Variants in SERGEF observed in about 807,000 individuals in gnomAD.
SERGEF encodes secretion-regulating guanine nucleotide exchange factor.
SERGEF carries 51 observed loss-of-function variants against 50.0 expected under a neutral mutation model. The ratio of observed to expected loss-of-function variants is 1.02; its 90% CI spans 0.81 to 1.29. The LOEUF (loss-of-function observed/expected upper bound fraction) is 1.29. SERGEF is among the 50% of genes most tolerant of loss of function. SERGEF has a pLI of 0.00. For synonymous variants in SERGEF, 205 were observed against 212.4 expected, an observed-to-expected ratio of 0.97 and a Z score of 0.30; for missense variants, 521 against 557.0, an observed-to-expected ratio of 0.94 and a Z score of 0.65.
intron 10 of SERGEF, among the ~76,000 whole-genome samples, chr11:17,813,043 G>C (rs974613613): frequency 1.3e-5 from 2 of 152,102 alleles, no homozygotes; most frequent in African/African-American, 4.8e-5. Flanking sequence ...TATTCAGAAG[G>C]GTACCCTAAA....
chr11:17,865,529 G>A (rs1851005803), intron 10 of SERGEF, among the ~76,000 whole-genome samples: 1 of 152,048 alleles, frequency 6.6e-6, no homozygotes, highest in African/African-American at 2.4e-5. Flanking sequence ...ACAAGATGTG[G>A]AGGTGAAAGA....
intron 7 of SERGEF, among the ~76,000 whole-genome samples, chr11:17,992,330 GTAGA>G (rs1381447595): frequency 8.5e-5 from 13 of 152,132 alleles, no homozygotes; most frequent in Admixed American, 3.3e-4. Context: ...GGTAAACAGA[GTAGA>G]TAGATACACA....
chr11:17,810,435 C>A (rs907872202), intron 10 of SERGEF, among the ~76,000 whole-genome samples: 2 of 152,198 alleles, frequency 1.3e-5, no homozygotes, highest in Non-Finnish European at 2.9e-5. Flanking sequence ...ATGTCTACAA[C>A]AATCATGCCT....
chr11:17,898,794 C>T (rs1851692566), intron 9 of SERGEF, among the ~76,000 whole-genome samples: 1 of 152,194 alleles, frequency 6.6e-6, no homozygotes, highest in Admixed American at 6.5e-5. Flanking sequence ...TATTTTAGAT[C>T]TCTAAAGGCC....
intron 9 of SERGEF, among the ~76,000 whole-genome samples, chr11:17,909,352 A>G (rs946428591): frequency 1.3e-5 from 2 of 152,228 alleles, no homozygotes; most frequent in African/African-American, 4.8e-5. Flanking sequence ...GAAGGAATCC[A>G]GAGCTTATAA....
chr11:17,810,986 G>A (rs1465275585), intron 10 of SERGEF, among the ~76,000 whole-genome samples: 1 of 152,190 alleles, frequency 6.6e-6, no homozygotes, highest in African/African-American at 2.4e-5. Context: ...GGAGCCTCTT[G>A]GGAGAGCAGC....
intron 10 of SERGEF, among the ~76,000 whole-genome samples, chr11:17,788,905 A>C (rs766536891): frequency 6.6e-6 from 1 of 152,186 alleles, no homozygotes; most frequent in Non-Finnish European, 1.5e-5. Context: ...GACAACTGCA[A>C]ATCTAATCAC....
chr11:17,851,894 A>G (rs899206087), intron 10 of SERGEF, among the ~76,000 whole-genome samples: 4 of 152,234 alleles, frequency 2.6e-5, no homozygotes, highest in Non-Finnish European at 5.9e-5. Flanking sequence ...ATGAAGGGAC[A>G]CAAGGAAGAA....
chr11:17,929,703 C>G (rs1458336383), intron 9 of SERGEF, among the ~76,000 whole-genome samples: 1 of 152,160 alleles, frequency 6.6e-6, no homozygotes. Flanking sequence ...TCCTGCCACT[C>G]TAGCCTTCCT....
intron 10 of SERGEF, among the ~76,000 whole-genome samples, chr11:17,799,742 G>A (rs994627406): frequency 4.6e-5 from 7 of 152,202 alleles, no homozygotes; most frequent in South Asian, 2.1e-4. Context: ...ACATGGGGAC[G>A]GATGACACAA....
At chr11:17,899,306 G>A (rs1433086171) in intron 9 of SERGEF, among the ~76,000 whole-genome samples, 2 of 151,926 alleles carry the variant, frequency 1.3e-5, no homozygotes, top group Non-Finnish European at 2.9e-5. Context: ...CCCTTCTACG[G>A]TTTCAAAATT....
chr11:18,007,418 A>G (rs750672819), intron 2 of SERGEF, among the ~76,000 whole-genome samples: 2 of 152,194 alleles, frequency 1.3e-5, no homozygotes, highest in Non-Finnish European at 2.9e-5. Context: ...CCACATAGAT[A>G]ATAAGTCACA....
intron 7 of SERGEF, among the ~76,000 whole-genome samples, chr11:17,990,930 C>T (rs1246748349): frequency 6.6e-6 from 1 of 152,072 alleles, no homozygotes; most frequent in African/African-American, 2.4e-5. Flanking sequence ...CCACACCCAG[C>T]TAATTTTGAA....
At chr11:18,006,526 C>G in intron 3 of SERGEF, 65 bp downstream of exon 3, 1 of 1,444,784 alleles carries the variant, frequency 6.9e-7, no homozygotes, top group Non-Finnish European at 9.5e-7. Context: ...CTGCAGTCAC[C>G]ATCATCATAC....
At chr11:18,001,157 T>G (rs1853952227) in intron 4 of SERGEF, among the ~76,000 whole-genome samples, 1 of 152,236 alleles carries the variant, frequency 6.6e-6, no homozygotes, top group South Asian at 2.1e-4. Context: ...ACCAAACCTA[T>G]CTGCCTGCAG....
chr11:17,928,397 GA>G (rs1272837248), intron 9 of SERGEF, among the ~76,000 whole-genome samples: 2 of 151,980 alleles, frequency 1.3e-5, no homozygotes, highest in African/African-American at 4.8e-5. Context: ...AGGAGAAAGG[GA>G]AAAAAGGGAG....
chr11:17,956,931 G>A (rs1483650233), intron 9 of SERGEF, among the ~76,000 whole-genome samples: 1 of 152,148 alleles, frequency 6.6e-6, no homozygotes, highest in Middle Eastern at 3.2e-3. Flanking sequence ...GTAGCATATA[G>A]CTGCCTCCTG....
chr11:17,890,767 G>A (rs752049709), intron 9 of SERGEF, among the ~76,000 whole-genome samples: 2 of 152,030 alleles, frequency 1.3e-5, no homozygotes, highest in African/African-American at 4.8e-5. Context: ...AATTATTCTT[G>A]GAGAAATGGC....
chr11:17,794,278 C>A (rs1849535253), intron 10 of SERGEF, among the ~76,000 whole-genome samples: 1 of 152,196 alleles, frequency 6.6e-6, no homozygotes, highest in Non-Finnish European at 1.5e-5. Flanking sequence ...TTCTTTGTCC[C>A]TCTTGCATCC....
Sources: allele counts gnomAD v4.1 joint callset (sites outside exome capture counted in the v4.1 genomes callset), GRCh38; gene constraint gnomAD v4.1.1; transcripts MANE v1.5; gene names NCBI Gene and HGNC (gene_info 2026-07-23, HGNC 2026-07-21).